The following DPYSL4 variants were observed in gnomAD, a reference collection of about 807,000 sequenced individuals.
DPYSL4 encodes dihydropyrimidinase-related protein 4.
In DPYSL4, 43 loss-of-function variants were observed where a neutral mutation model predicts 63.4. That is an observed-to-expected ratio of 0.68 (90% CI 0.53 to 0.88). The LOEUF (loss-of-function observed/expected upper bound fraction) is 0.88. Among genes scored for constraint, DPYSL4 ranks in the 40% least tolerant of loss-of-function variants. DPYSL4 has a pLI of 0.00. For synonymous variants in DPYSL4, 353 were observed against 331.7 expected, an observed-to-expected ratio of 1.06 and a Z score of -0.70; for missense variants, 733 against 819.5, an observed-to-expected ratio of 0.89 and a Z score of 1.29.
intron 11 of DPYSL4, 30 bp from the exon 12 acceptor site, chr10:132,202,616 G>A (rs748905753): frequency 6.2e-7 from 1 of 1,609,048 alleles, no homozygotes; most frequent in Non-Finnish European, 8.5e-7. Flanking sequence ...CCAGCGTGGA[G>A]GCACTGGACC....
intron 8 of DPYSL4, among the ~76,000 whole-genome samples, chr10:132,199,719 C>T (rs2061987726): frequency 1.3e-5 from 2 of 151,952 alleles, no homozygotes; most frequent in African/African-American, 4.8e-5. Flanking sequence ...GGGTGGTGCC[C>T]TTCTATGTGT....
Position 132,187,038 on chromosome 10 carries a change from C to A in DPYSL4, c.-26C>A. On this transcript the variant is annotated 5_prime_UTR_variant, in exon 1 of 14. Coordinates refer to ENST00000338492, the MANE Select transcript of DPYSL4 (RefSeq NM_006426.3). ...GCCCGCCCGCCCCCGCTTGTGCCGC[C>A]CCTACCAGAGACCCCCAGGAGCAGG... The A allele has an allele frequency of 7.9e-7, 1 of 1,267,670 alleles. No individual in the cohort carries two copies. 78.5% of individuals were successfully genotyped at this position (1,267,670 alleles called of 1,614,324 possible).
rs2061972472 is a variant in DPYSL4 at position 132,198,503 on chromosome 10, C to T, written c.690+20C>T. 7 of 1,588,774 alleles carry T rather than the reference C, an allele frequency of 4.4e-6. No individual in the cohort carries two copies. Among genetic ancestry groups the T allele is most frequent in the Non-Finnish European group, 4.3e-6 (5 of 1,171,626 alleles). ...GAGGAGGTAAGATCCCAGGGCACCA[C>T]AGCACACCCGAGCCAACTCCGCCCA... On this transcript the variant is annotated intron_variant, in intron 7 of 13. Transcript: ENST00000338492.
At chr10:132,203,515 A>G in intron 12 of DPYSL4, 1 of 543,044 alleles carries the variant, frequency 1.8e-6, no homozygotes, top group South Asian at 2.6e-5. Flanking sequence ...TTGCACACAC[A>G]TGCAGATGGG....
At chr10:132,200,316 G>T in intron 8 of DPYSL4, 40 bp from the exon 9 acceptor site, 1 of 1,608,306 alleles carries the variant, frequency 6.2e-7, no homozygotes. Context: ...AGGGGGTGCA[G>T]GTGGTCGGTG....
At chr10:132,188,910 T>G (rs1003280793) in intron 1 of DPYSL4, among the ~76,000 whole-genome samples, 1 of 152,228 alleles carries the variant, frequency 6.6e-6, no homozygotes, top group Non-Finnish European at 1.5e-5. Context: ...GCCTGTGGCA[T>G]AGTCTGCCAA....
rs753686812 is a variant in DPYSL4, at chr10:132,187,095, G to A, written c.32G>A (p.Arg11Gln). 6.2e-6 allele frequency: 9 copies of A among 1,442,472 alleles called. No individual in the cohort carries two copies. The highest frequency in any genetic ancestry group is 3.7e-5 in the South Asian group (3 of 80,836). 89.4% of individuals were successfully genotyped at this position (1,442,472 alleles called of 1,614,324 possible). Residue 11 changes from arginine (R) to glutamine (Q), a missense_variant, in exon 1 of 14, where the codon CGG (arginine) becomes CAG (glutamine). Transcript: ENST00000338492. MSFQGKKSIP[R>Q]ITSDRLLIRG... Reference sequence around the variant, plus strand: ...TTCCAGGGCAAGAAAAGCATCCCCCGGATCACGGTGAGCCCGGTCCCGCTT... The same window carrying A: ...TTCCAGGGCAAGAAAAGCATCCCCCAGATCACGGTGAGCCCGGTCCCGCTT...
intron 4 of DPYSL4, 58 bp from the exon 5 acceptor site, chr10:132,196,803 G>A: frequency 6.3e-7 from 1 of 1,593,408 alleles, no homozygotes; most frequent in South Asian, 1.1e-5. Flanking sequence ...AGCAGCAGAG[G>A]CTCCGTAGGT....
intron 12 of DPYSL4, 77 bp from the exon 13 acceptor site, chr10:132,203,680 GCCCCT>G: frequency 7.9e-7 from 1 of 1,270,722 alleles, no homozygotes; most frequent in Non-Finnish European, 1.1e-6. Context: ...CCCATGCTCA[GCCCCT>G]CATGCCCCAT....
intron 8 of DPYSL4, among the ~76,000 whole-genome samples, chr10:132,199,915 G>A (rs1436991750): frequency 6.6e-6 from 1 of 152,028 alleles, no homozygotes; most frequent in Non-Finnish European, 1.5e-5. Flanking sequence ...CTCGGGGGGT[G>A]CCCCACCCCA....
At chr10:132,196,061 G>C (rs961876666) in intron 4 of DPYSL4, among the ~76,000 whole-genome samples, 1 of 151,170 alleles carries the variant, frequency 6.6e-6, no homozygotes, top group African/African-American at 2.4e-5. Flanking sequence ...GTTGCTACCT[G>C]GAGGGATGGC....
At chr10:132,194,718 C>A (rs1179149974) in intron 3 of DPYSL4, 127 bp from the exon 4 acceptor site, 1 of 1,246,488 alleles carries the variant, frequency 8.0e-7, no homozygotes, top group East Asian at 2.4e-5. Flanking sequence ...GGCCGGTGGC[C>A]TCTGCTGTGT....
intron 1 of DPYSL4, among the ~76,000 whole-genome samples, chr10:132,189,229 G>C (rs1472518662): frequency 6.6e-6 from 1 of 152,262 alleles, no homozygotes; most frequent in Non-Finnish European, 1.5e-5. Context: ...TGCAGGGCGT[G>C]CTGAGGCGCA....
chr10:132,202,222 T>C (rs1590105539), intron 11 of DPYSL4, 106 bp downstream of exon 11: 2 of 1,430,594 alleles, frequency 1.4e-6, no homozygotes, highest in East Asian at 4.6e-5. Context: ...GCAGCAGCAG[T>C]GGCCTCAGCC....
intron 3 of DPYSL4, among the ~76,000 whole-genome samples, chr10:132,194,301 A>C (rs924619877): frequency 3.9e-5 from 6 of 152,210 alleles, no homozygotes; most frequent in Non-Finnish European, 7.3e-5. Context: ...GCCAGTGAGC[A>C]GTGTTCGGGC....
intron 1 of DPYSL4, 69 bp downstream of exon 1, chr10:132,187,171 G>A: frequency 4.1e-6 from 5 of 1,231,468 alleles, no homozygotes; most frequent in South Asian, 1.4e-5. Flanking sequence ...ACGCCGGGCG[G>A]ACCCTCCTGG....
intron 3 of DPYSL4, 122 bp from the exon 4 acceptor site, chr10:132,194,723 C>A: frequency 7.7e-7 from 1 of 1,302,630 alleles, no homozygotes; most frequent in Non-Finnish European, 1.1e-6. Context: ...GTGGCCTCTG[C>A]TGTGTCTCCC....
chr10:132,200,316 G>A lies in DPYSL4; in HGVS notation c.812-40G>A, dbSNP rs376136519. ...AGTTCTCGGGGCCCCAGGGGGTGCA[G>A]GTGGTCGGTGGGGCACCTCTCATGG... On this transcript the variant is annotated intron_variant, in intron 8 of 13. Transcript: ENST00000338492. 14 of 1,608,188 alleles carry A rather than the reference G, an allele frequency of 8.7e-6. No individual in the cohort carries two copies. In the African/African-American group the frequency reaches 1.7e-4, roughly 20 times the overall value.
chr10:132,204,795 G>A, intron 13 of DPYSL4, 44 bp from the exon 14 acceptor site: 1 of 1,544,344 alleles, frequency 6.5e-7, no homozygotes, highest in South Asian at 1.2e-5. Context: ...AAGGGCCCCT[G>A]CCCCTGCCTC....
Sources: allele counts gnomAD v4.1 joint callset (sites outside exome capture counted in the v4.1 genomes callset), GRCh38; gene constraint gnomAD v4.1.1; transcripts MANE v1.5; gene names NCBI Gene and HGNC (gene_info 2026-07-23, HGNC 2026-07-21).